PREX2: variants seen among roughly 807,000 people sequenced by gnomAD.
PREX2 encodes phosphatidylinositol 3,4,5-trisphosphate-dependent Rac exchanger 2 protein.
Under a neutral mutation model 203.2 loss-of-function variants are expected in PREX2, and 107 were observed. The observed-to-expected ratio is 0.53, with a 90% confidence interval of 0.45 to 0.62. PREX2 has a LOEUF of 0.62. Ranked by LOEUF, PREX2 falls within the 20% of genes least tolerant of loss-of-function variation. The probability of loss-of-function intolerance (pLI) is 0.00; values close to 1 mark genes in which losing one functional copy is unlikely to be tolerated. For missense variants in PREX2, 1,777 were observed against 1,955.9 expected, an observed-to-expected ratio of 0.91 and a Z score of 1.72; for synonymous variants, 672 against 663.6, an observed-to-expected ratio of 1.01 and a Z score of -0.19.
chr8:67,987,936 T>A (rs1043719538), intron 1 of PREX2, among the ~76,000 whole-genome samples: 3 of 150,572 alleles, frequency 2.0e-5, no homozygotes, highest in African/African-American at 7.4e-5. Flanking sequence ...TGTGTGTGTG[T>A]GAACACACAT....
intron 35 of PREX2, among the ~76,000 whole-genome samples, chr8:68,172,498 T>C (rs74596666): frequency 0.046 from 7,075 of 152,292 alleles, 280 homozygotes; most frequent in Non-Finnish European, 0.064. Flanking sequence ...TTTTAACTAA[T>C]AATTTATAGC....
chr8:68,071,989 A>C (rs1809209714), intron 13 of PREX2, among the ~76,000 whole-genome samples: 1 of 152,114 alleles, frequency 6.6e-6, no homozygotes, highest in Non-Finnish European at 1.5e-5. Flanking sequence ...TATTAATACG[A>C]TGTACAGTAA....
chr8:68,110,858 A>C (rs530076002), intron 25 of PREX2: 45 of 314,240 alleles, frequency 1.4e-4, no homozygotes, highest in Non-Finnish European at 2.8e-4. Flanking sequence ...TGAGTGATTT[A>C]GAATTAAGAT....
intron 1 of PREX2, among the ~76,000 whole-genome samples, chr8:68,010,068 G>A (rs1807216816): frequency 6.6e-6 from 1 of 152,160 alleles, no homozygotes; most frequent in Non-Finnish European, 1.5e-5. Flanking sequence ...TGAGGACATA[G>A]ACAACAATCC....
rs180815226 is a variant in PREX2 at position 68,186,105 on chromosome 8, G to C, written c.4347-5617G>C. On this transcript the variant is annotated intron_variant, in intron 35 of 39. Coordinates refer to ENST00000288368, the MANE Select transcript of PREX2 (RefSeq NM_024870.4). ...AGATACTGAAGTTCTTCAGATACCT[G>C]TAAACATTATGATTGGTAAAATATC... Among the ~76,000 whole-genome samples, 115 of 152,196 alleles carry C rather than the reference G, an allele frequency of 7.6e-4. 6 individuals carry two copies. The highest frequency in any genetic ancestry group is 2.1e-3 in the African/African-American group (87 of 41,526).
At chr8:67,967,979 C>T (rs543980297) in intron 1 of PREX2, among the ~76,000 whole-genome samples, 1 of 151,124 alleles carries the variant, frequency 6.6e-6, no homozygotes, top group South Asian at 2.1e-4. Flanking sequence ...ATGTAAATGA[C>T]GAGTTAATGG....
At chr8:68,204,123 C>T (rs1396301176) in intron 37 of PREX2, among the ~76,000 whole-genome samples, 2 of 152,000 alleles carry the variant, frequency 1.3e-5, no homozygotes, top group Non-Finnish European at 2.9e-5. Flanking sequence ...CAGATTCAAA[C>T]CTGGTGGCTG....
At position 67,991,542 on chromosome 8, in the gene PREX2, G is replaced by T. The variant is rs145333859; in HGVS notation, c.142-26304G>T. ...GGAGGAAGGAGAAGTGCCCAGCGAA[G>T]TGGGAAGAGCCGCGTATAAAATCAT... On this transcript the variant is annotated intron_variant, in intron 1 of 39. Coordinates refer to ENST00000288368, the MANE Select transcript of PREX2 (RefSeq NM_024870.4). 2.3e-3 allele frequency among the ~76,000 whole-genome samples: 352 copies of T among 152,342 alleles called. 3 individuals are homozygous for T. Among genetic ancestry groups the T allele is most frequent in the African/African-American group, 8.2e-3 (340 of 41,580 alleles).
At position 68,080,777 on chromosome 8, in the gene PREX2, G is replaced by T. The variant is rs1389694023; in HGVS notation, c.1817G>T (p.Gly606Val). The change falls in exon 17 of 40, where the codon GGA becomes GTA. Residue 606 changes from glycine (G) to valine (V), a missense_variant. Coordinates refer to ENST00000288368, the MANE Select transcript of PREX2 (RefSeq NM_024870.4). ...IKSNEGSYGF[G>V]LEDKNKVPII... ...TCCAATGAAGGCAGCTATGGCTTTG[G>T]ATTAGAAGACAAAAATAAAGTTCCA... 6.4e-7 allele frequency: 1 copy of T among 1,573,878 alleles called. No individual in the cohort carries two copies. Among genetic ancestry groups the T allele is most frequent in the Non-Finnish European group, 8.7e-7 (1 of 1,148,646 alleles).
chr8:68,036,699 A>G (rs956099851), intron 6 of PREX2, among the ~76,000 whole-genome samples: 1 of 152,048 alleles, frequency 6.6e-6, no homozygotes, highest in Non-Finnish European at 1.5e-5. Flanking sequence ...TAATCCCAGC[A>G]CTTTGGGAGG....
intron 11 of PREX2, among the ~76,000 whole-genome samples, chr8:68,065,154 A>G (rs1421417781): frequency 2.0e-5 from 3 of 152,246 alleles, no homozygotes; most frequent in Non-Finnish European, 2.9e-5. Context: ...CCCAAGGTTC[A>G]TTATCAAAGG....
intron 37 of PREX2, among the ~76,000 whole-genome samples, chr8:68,195,115 CT>C (rs1243992659): frequency 6.6e-6 from 1 of 152,174 alleles, no homozygotes; most frequent in Non-Finnish European, 1.5e-5. Flanking sequence ...TCAGTTAAAT[CT>C]GCCATTTAAC....
rs1460788060 is a variant in PREX2, at chr8:67,952,110, C to G, written c.-285C>G. ...AAGCCGCTTCCCCTCCAGCCCCGGC[C>G]GTGTGAGGCCAGAGCAGCGGGGCCG... On this transcript the variant is annotated 5_prime_UTR_variant, in exon 1 of 40. Transcript: ENST00000288368. 3 of 308,594 alleles carry G rather than the reference C, an allele frequency of 9.7e-6. No individual in the cohort carries two copies. In the East Asian group the frequency reaches 1.7e-4, roughly 17 times the overall value. The allele number at this position is 308,594 out of a possible 1,614,324, so 19.1% of individuals were successfully genotyped here. A position where few individuals can be genotyped will look rare whatever the true frequency, so the allele number is the denominator to read the frequency against.
chr8:68,208,528 G>T (rs1165798975), intron 37 of PREX2, among the ~76,000 whole-genome samples: 1 of 152,018 alleles, frequency 6.6e-6, no homozygotes, highest in Non-Finnish European at 1.5e-5. Flanking sequence ...TCTCTTATCA[G>T]GTTCAGTGAA....
intron 37 of PREX2, among the ~76,000 whole-genome samples, chr8:68,212,657 G>T (rs909264319): frequency 5.9e-5 from 9 of 151,982 alleles, no homozygotes; most frequent in African/African-American, 2.2e-4. Flanking sequence ...CACAATTTTT[G>T]TAACATACTC....
intron 31 of PREX2, among the ~76,000 whole-genome samples, chr8:68,131,688 C>A (rs114022310): frequency 6.6e-6 from 1 of 152,206 alleles, no homozygotes; most frequent in African/African-American, 2.4e-5. Flanking sequence ...TCTAAGTATT[C>A]TTTTTAGGAT....
At chr8:68,042,427 C>G (rs1318180357) in intron 7 of PREX2, among the ~76,000 whole-genome samples, 1 of 151,932 alleles carries the variant, frequency 6.6e-6, no homozygotes, top group Non-Finnish European at 1.5e-5. Flanking sequence ...TAGTTTCTTG[C>G]AATTTATAAT....
At chr8:68,159,817 A>G (rs1023085751) in intron 35 of PREX2, among the ~76,000 whole-genome samples, 47 of 152,296 alleles carry the variant, frequency 3.1e-4, no homozygotes, top group African/African-American at 1.0e-3. Flanking sequence ...ATTTATATAA[A>G]CAACTACATT....
intron 35 of PREX2, among the ~76,000 whole-genome samples, chr8:68,179,571 C>T (rs1812045758): frequency 6.6e-6 from 1 of 151,960 alleles, no homozygotes; most frequent in Admixed American, 6.6e-5. Context: ...TTCTGTTTTC[C>T]CATAAAGGAA....
Sources: gnomAD v4.1 joint callset for allele counts (sites outside exome capture counted in the v4.1 genomes callset) on GRCh38, gnomAD v4.1.1 for gene constraint, MANE v1.5 for transcripts, NCBI Gene and HGNC (gene_info 2026-07-23, HGNC 2026-07-21) for gene names.